The following BID variants were observed in gnomAD, a reference collection of about 807,000 sequenced individuals.
BID encodes the protein BH3-interacting domain death agonist.
In BID, 19 loss-of-function variants were observed where a neutral mutation model predicts 17.4. That is an observed-to-expected ratio of 1.09 (90% CI 0.76 to 1.60). BID has a LOEUF of 1.60. Among genes scored for constraint, BID ranks in the 40% most tolerant of loss-of-function variants. BID has a pLI of 0.00. For synonymous variants in BID, 108 were observed against 102.8 expected (o/e 1.05, Z -0.31); for missense variants, 226 against 256.0 (o/e 0.88, Z 0.80).
At position 17,770,951 on chromosome 22, in the gene BID, A is replaced by G. The variant is rs2061714434; in HGVS notation, c.-59+3430T>C. On this transcript the variant is annotated intron_variant, in intron 1 of 5. Coordinates refer to ENST00000622694, the MANE Select transcript of BID (RefSeq NM_001196.4). ...CGGAGCCAGACTGAGCCGCAGCCCC[A>G]GAAGACAGGTATCTCCTCCCCTGGG... Among the ~76,000 whole-genome samples, 2 of 152,156 alleles carry G rather than the reference A, an allele frequency of 1.3e-5. 1 individual carries two copies. Among genetic ancestry groups the G allele is most frequent in the South Asian group, 4.1e-4 (2 of 4,834 alleles).
At chr22:17,735,618 G>T in intron 5 of BID, 27 bp from the exon 6 acceptor site, 1 of 1,614,068 alleles carries the variant, frequency 6.2e-7, no homozygotes, top group South Asian at 1.1e-5. Context: ...GAAAAAGCCA[G>T]AATCAGCTAG....
chr22:17,739,641 C>G (rs551249138), intron 3 of BID, 153 bp from the exon 4 acceptor site: 1 of 1,059,622 alleles, frequency 9.4e-7, no homozygotes. Flanking sequence ...AGGGCCACAG[C>G]GGGCGGGCTG....
At position 17,740,361 on chromosome 22, in the gene BID, G is replaced by A. The variant is rs923752610; in HGVS notation, c.224-873C>T. 1.5e-5 allele frequency: 9 copies of A among 611,356 alleles called. No individual in the cohort carries two copies. The African/African-American group carries it at 1.7e-4, about 11-fold the overall frequency. 37.9% of individuals were successfully genotyped at this position (611,356 alleles called of 1,614,324 possible). On this transcript the variant is annotated intron_variant, in intron 3 of 5. Transcript: ENST00000622694. ...GGCTGAGGACAGAAGATTGCTTAAG[G>A]CCAGGAGTTAGAGGATGCAGTGAGC...
chr22:17,754,044 C>A (rs1292016699), intron 1 of BID, among the ~76,000 whole-genome samples: 1 of 152,030 alleles, frequency 6.6e-6, no homozygotes, highest in Non-Finnish European at 1.5e-5. Context: ...ACGGGGGTGA[C>A]ATTCCCCCAG....
intron 1 of BID, among the ~76,000 whole-genome samples, chr22:17,754,746 G>GT (rs1425638657): frequency 6.6e-6 from 1 of 152,108 alleles, no homozygotes; most frequent in Non-Finnish European, 1.5e-5. Context: ...TTCTTTTCCA[G>GT]TTTTTTTGTT....
chr22:17,750,063 C>G (rs2061525250), intron 2 of BID, 42 bp downstream of exon 2: 3 of 1,598,982 alleles, frequency 1.9e-6, no homozygotes, highest in Non-Finnish European at 2.6e-6. Flanking sequence ...ACCCCTCGAC[C>G]CCGCCCCCCA....
chr22:17,745,656 G>GA (rs970688195), intron 2 of BID, among the ~76,000 whole-genome samples: 36 of 147,782 alleles, frequency 2.4e-4, no homozygotes, highest in Middle Eastern at 3.3e-3. Context: ...TCTCAAAAAA[G>GA]AAAAAAAAAA....
In BID at chr22:17,735,444, T is replaced by C. The variant is rs2305001; in HGVS notation, c.*136A>G. 0.039 allele frequency: 35,773 copies of C among 920,664 alleles called. 875 individuals carry two copies. Among genetic ancestry groups the C allele is most frequent in the East Asian group, 0.097 (3,758 of 38,866 alleles). 57.0% of individuals were successfully genotyped at this position (920,664 alleles called of 1,614,324 possible). A position where few individuals can be genotyped will look rare whatever the true frequency, so the allele number is the denominator to read the frequency against. ...TATAAGTTTAACATTGTCTTTAAAA[T>C]AGAAGTCACAGCTATCTTCCAGCCT... On this transcript the variant is annotated 3_prime_UTR_variant, in exon 6 of 6. Coordinates refer to ENST00000622694, the MANE Select transcript of BID (RefSeq NM_001196.4).
chr22:17,773,575 C>T lies in BID; in HGVS notation c.-59+806G>A. The T allele has an allele frequency of 6.2e-7, 1 of 1,610,256 alleles. No individual in the cohort carries two copies. The highest frequency in any genetic ancestry group is 8.5e-7 in the Non-Finnish European group (1 of 1,178,846). On this transcript the variant is annotated intron_variant, in intron 1 of 5. Transcript: ENST00000622694. This position sits in a 1 kb window ranked among gnomAD's most constrained non-coding sequence, Gnocchi z 4.4. ...ACCCTGCCTGCAGGTGAAGGCCGGT[C>T]CAGCCGCAGAAGGCCCAGCCCCCAG...
rs2061701255 is a variant in BID, at chr22:17,769,166, G to A, written c.-59+5215C>T. Among the ~76,000 whole-genome samples the A allele has an allele frequency of 1.3e-5, 2 of 152,266 alleles. No individual in the cohort carries two copies. The highest frequency in any genetic ancestry group is 1.5e-5 in the Non-Finnish European group (1 of 68,044). On this transcript the variant is annotated intron_variant, in intron 1 of 5. Transcript: ENST00000622694. This position sits in a 1 kb window ranked among gnomAD's most constrained non-coding sequence, Gnocchi z 4.8. ...CCTCACAGAGCACAGCAGGGCCTGT[G>A]CCGTGCCAACGCCATGCCCCTGCCT...
chr22:17,770,310 G>A (rs529505048), intron 1 of BID, among the ~76,000 whole-genome samples: 153 of 152,300 alleles, frequency 1.0e-3, no homozygotes, highest in African/African-American at 3.0e-3. Context: ...CACCTTCCCC[G>A]TCTGTAAAAG....
In BID at chr22:17,735,562, A is replaced by C. The variant is rs1484676167; in HGVS notation, c.*18T>G. ...ACCACATCGAGCTTTAGCCAGTCAC[A>C]CTTCTGGAACTGTCCGTTCAGTCCA... On this transcript the variant is annotated 3_prime_UTR_variant, in exon 6 of 6. Coordinates refer to ENST00000622694, the MANE Select transcript of BID (RefSeq NM_001196.4). The C allele has an allele frequency of 1.9e-6, 3 of 1,614,014 alleles. No individual in the cohort carries two copies. The highest frequency in any genetic ancestry group is 2.5e-6 in the Non-Finnish European group (3 of 1,180,028).
At chr22:17,771,390 C>T (rs1306012012) in intron 1 of BID, among the ~76,000 whole-genome samples, 2 of 152,128 alleles carry the variant, frequency 1.3e-5, no homozygotes, top group East Asian at 1.9e-4. Flanking sequence ...TGAGCCACCG[C>T]GCCCGGCTGG....
intron 2 of BID, among the ~76,000 whole-genome samples, chr22:17,748,325 C>T (rs2061510102): frequency 6.6e-6 from 1 of 150,912 alleles, no homozygotes; most frequent in Non-Finnish European, 1.5e-5. Context: ...CTGGCTAACA[C>T]GGTGAAACCC....
At chr22:17,744,087 G>T in intron 2 of BID, 74 bp from the exon 3 acceptor site, 1 of 1,369,896 alleles carries the variant, frequency 7.3e-7, no homozygotes, top group Non-Finnish European at 1.0e-6. Context: ...AGCTCCAGTT[G>T]CAGCTGGCCC....
chr22:17,743,900 G>A lies in BID; in HGVS notation c.126C>T (p.His42=), dbSNP rs150608132. ...ACTGGGGAGCCAGCACTGGCAGCTC[G>A]TGGCCCAGTGCGTCCAGCTCTCTGC... The part of the protein sequence containing the change: ...SFRRELDALG[H]ELPVLAPQWE... Residue 42 remains histidine (H), a synonymous_variant, in exon 3 of 6, where the codon CAC becomes CAT. Transcript: ENST00000622694. 25 of 1,613,650 alleles carry A rather than the reference G, an allele frequency of 1.5e-5. No homozygotes were observed. The Admixed American group carries it at 2.2e-4, about 14-fold the overall frequency.
Position 17,738,160 on chromosome 22 carries a change from C to T in BID, c.433G>A (p.Glu145Lys), listed in dbSNP as rs967098884. 6.8e-6 allele frequency: 11 copies of T among 1,613,584 alleles called. No homozygotes were observed. The highest frequency in any genetic ancestry group is 1.3e-5 in the African/African-American group (1 of 74,928). Residue 145 changes from glutamate (E) to lysine (K), a missense_variant, in exon 5 of 6, where the codon GAG becomes AAG. Coordinates refer to ENST00000622694, the MANE Select transcript of BID (RefSeq NM_001196.4). ...AGGGCCAGCACCAGCATGGTCTTCTCCTTCTCCATGTCTCTAGGGTAGGCC... is the reference window on the plus strand; with the variant it reads ...AGGGCCAGCACCAGCATGGTCTTCTTCTTCTCCATGTCTCTAGGGTAGGCC... ...LQAYPRDMEK[E>K]KTMLVLALLL...
At chr22:17,743,501 T>TA (rs2061474578) in intron 3 of BID, among the ~76,000 whole-genome samples, 1 of 152,188 alleles carries the variant, frequency 6.6e-6, no homozygotes, top group African/African-American at 2.4e-5. Context: ...GAAAATTGGA[T>TA]AAAAACACCA....
At chr22:17,742,321 A>T (rs1601840265) in intron 3 of BID, among the ~76,000 whole-genome samples, 1 of 152,138 alleles carries the variant, frequency 6.6e-6, no homozygotes, top group African/African-American at 2.4e-5. Flanking sequence ...GGCTACAGTC[A>T]CCCCCACAGC....
Sources: allele counts gnomAD v4.1 joint callset (sites outside exome capture counted in the v4.1 genomes callset), GRCh38; gene constraint gnomAD v4.1.1; non-coding constraint Gnocchi (gnomAD v3.1); transcripts MANE v1.5; gene names NCBI Gene and HGNC (gene_info 2026-07-23, HGNC 2026-07-21).